Variants in SRBD1 observed in about 807,000 individuals in gnomAD.
SRBD1 encodes the protein S1 RNA binding domain 1.
SRBD1 carries 88 observed loss-of-function variants against 115.3 expected under a neutral mutation model. That is an observed-to-expected ratio of 0.76 (90% CI 0.64 to 0.91). SRBD1 has a LOEUF of 0.91. Among genes scored for constraint, SRBD1 ranks in the 40% least tolerant of loss-of-function variants. The pLI is 0.00. For missense variants in SRBD1, 1,385 were observed against 1,177.4 expected, an observed-to-expected ratio of 1.18 and a Z score of -2.58; for synonymous variants, 509 against 407.7, an observed-to-expected ratio of 1.25 and a Z score of -2.99.
intron 14 of SRBD1, among the ~76,000 whole-genome samples, chr2:45,537,132 A>G (rs1013295188): frequency 5.3e-5 from 8 of 152,240 alleles, no homozygotes; most frequent in African/African-American, 1.9e-4. Flanking sequence ...ACATAGGCTC[A>G]TACGACACAG....
At chr2:45,426,775 A>G (rs1668167662) in intron 16 of SRBD1, among the ~76,000 whole-genome samples, 1 of 152,198 alleles carries the variant, frequency 6.6e-6, no homozygotes, top group African/African-American at 2.4e-5. Flanking sequence ...TAGAAGGAAA[A>G]CTAACAAACA....
intron 16 of SRBD1, among the ~76,000 whole-genome samples, chr2:45,442,493 G>C (rs1403666795): frequency 2.0e-5 from 3 of 152,182 alleles, no homozygotes; most frequent in African/African-American, 7.2e-5. Flanking sequence ...GTGGACAACG[G>C]CTAGGTCACA....
intron 15 of SRBD1, among the ~76,000 whole-genome samples, chr2:45,485,838 A>G (rs1464429699): frequency 1.3e-5 from 2 of 152,188 alleles, no homozygotes; most frequent in African/African-American, 2.4e-5. Flanking sequence ...AAGACTCCCA[A>G]TGAGAAATAG....
At chr2:45,395,339 A>C (rs542413468) in intron 19 of SRBD1, among the ~76,000 whole-genome samples, 3 of 152,206 alleles carry the variant, frequency 2.0e-5, no homozygotes, top group African/African-American at 7.2e-5. Context: ...GTATGAGTCT[A>C]TCTTAAGGTT....
At position 45,418,795 on chromosome 2, in the gene SRBD1, C is replaced by T. The variant is rs1482725756; in HGVS notation, c.2157-254G>A. ...TGTCATAAAGATGCTGGTAAGAAGG[C>T]TAACACTGATGCAAGAAAAAAATGT... On this transcript the variant is annotated intron_variant, in intron 17 of 20. Transcript: ENST00000263736. Among the ~76,000 whole-genome samples, 5 of 151,982 alleles carry T rather than the reference C, an allele frequency of 3.3e-5. No individual in the cohort carries two copies. The East Asian group carries it at 9.6e-4, about 29-fold the overall frequency.
intron 14 of SRBD1, among the ~76,000 whole-genome samples, chr2:45,543,148 AC>A (rs1299313525): frequency 3.3e-5 from 5 of 152,236 alleles, no homozygotes; most frequent in African/African-American, 4.8e-5. Context: ...GAACATTTCA[AC>A]TTCAACTATC....
chr2:45,527,703 T>A (rs560256906), intron 14 of SRBD1, among the ~76,000 whole-genome samples: 1 of 151,976 alleles, frequency 6.6e-6, no homozygotes, highest in South Asian at 2.1e-4. Context: ...ACTATTATTA[T>A]CCCCACTTCA....
At chr2:45,595,539 G>C (rs1673868175) in intron 4 of SRBD1, among the ~76,000 whole-genome samples, 1 of 152,146 alleles carries the variant, frequency 6.6e-6, no homozygotes, top group African/African-American at 2.4e-5. Context: ...GGACTTTTCT[G>C]ATTTTCTGGC....
At chr2:45,513,421 G>GAAAA (rs10658092) in intron 14 of SRBD1, among the ~76,000 whole-genome samples, 2 of 145,278 alleles carry the variant, frequency 1.4e-5, no homozygotes, top group Non-Finnish European at 1.5e-5. Flanking sequence ...GCCCCTTAAG[G>GAAAA]AAAAAAAAAA....
chr2:45,446,965 T>C (rs1226854126), intron 16 of SRBD1, among the ~76,000 whole-genome samples: 1 of 152,222 alleles, frequency 6.6e-6, no homozygotes, highest in Non-Finnish European at 1.5e-5. Flanking sequence ...TTACTTCCTA[T>C]ACACCTCCAA....
chr2:45,595,842 C>T (rs1341241356), intron 4 of SRBD1, among the ~76,000 whole-genome samples: 3 of 152,094 alleles, frequency 2.0e-5, no homozygotes, highest in Admixed American at 6.5e-5. Flanking sequence ...AGGCAATTTC[C>T]CTAAACCCAC....
At position 45,596,219 on chromosome 2, in the gene SRBD1, T is replaced by C. The variant is rs781224517; in HGVS notation, c.648+3230A>G. Reference sequence around the variant, plus strand: ...CTTTACTTTTCCTTTGTCACTCACCTTCTGGCAGCTGGGCACCTATCGCTC... The same window carrying C: ...CTTTACTTTTCCTTTGTCACTCACCCTCTGGCAGCTGGGCACCTATCGCTC... On this transcript the variant is annotated intron_variant, in intron 4 of 20. Transcript: ENST00000263736. 6.6e-5 allele frequency among the ~76,000 whole-genome samples: 10 copies of C among 152,366 alleles called. No individual in the cohort carries two copies. In the South Asian group the frequency reaches 1.2e-3, roughly 19 times the overall value.
At chr2:45,462,803 G>C (rs1669359169) in intron 16 of SRBD1, among the ~76,000 whole-genome samples, 1 of 152,022 alleles carries the variant, frequency 6.6e-6, no homozygotes, top group South Asian at 2.1e-4. Context: ...TCCAGCCTGG[G>C]CAACAGAGCG....
In SRBD1 at chr2:45,414,787, T is replaced by TGTGTATATAGTATGTACACACACAC. The variant is rs1558563518; in HGVS notation, c.2334-1495_2334-1494insGTGTGTGTGTACATACTATATACAC. ...TGTATATAGTATGTACACACACACA[T>TGTGTATATAGTATGTACACACACAC]AGTGTGTATATAGTATGTACACACA... On this transcript the variant is annotated intron_variant, in intron 18 of 20. Coordinates refer to ENST00000263736, the MANE Select transcript of SRBD1 (RefSeq NM_018079.5). Among the ~76,000 whole-genome samples, 46 of 63,986 alleles carry TGTGTATATAGTATGTACACACACAC rather than the reference T, an allele frequency of 7.2e-4. 5 individuals are homozygous for TGTGTATATAGTATGTACACACACAC. The highest frequency in any genetic ancestry group is 2.1e-3 in the African/African-American group (41 of 19,450). 42.0% of individuals were successfully genotyped at this position (63,986 alleles called of 152,430 possible).
intron 9 of SRBD1, among the ~76,000 whole-genome samples, chr2:45,572,468 A>T (rs917444875): frequency 3.3e-5 from 5 of 152,072 alleles, no homozygotes; most frequent in Non-Finnish European, 7.4e-5. Flanking sequence ...TTAAACATAA[A>T]TTTTTTAAAA....
intron 14 of SRBD1, among the ~76,000 whole-genome samples, chr2:45,499,975 T>TG (rs1468202893): frequency 2.0e-5 from 3 of 152,132 alleles, no homozygotes; most frequent in African/African-American, 7.2e-5. Flanking sequence ...ATTAGCTATT[T>TG]GGGGTCTTTT....
At chr2:45,503,863 A>T (rs1670715213) in intron 14 of SRBD1, among the ~76,000 whole-genome samples, 1 of 152,186 alleles carries the variant, frequency 6.6e-6, no homozygotes, top group South Asian at 2.1e-4. Context: ...TCTATAACCT[A>T]AGACATATAT....
intron 14 of SRBD1, among the ~76,000 whole-genome samples, chr2:45,492,346 C>A (rs1165100158): frequency 1.3e-5 from 2 of 152,040 alleles, no homozygotes; most frequent in East Asian, 3.9e-4. Context: ...TTCATTCTGA[C>A]CATAAGGAAT....
intron 16 of SRBD1, among the ~76,000 whole-genome samples, chr2:45,442,741 T>G (rs960119251): frequency 1.3e-5 from 2 of 152,222 alleles, no homozygotes; most frequent in Non-Finnish European, 2.9e-5. Context: ...TTATTTTAAG[T>G]AAGTTTGGGT....
Sources: gnomAD v4.1 joint callset for allele counts (sites outside exome capture counted in the v4.1 genomes callset) on GRCh38, gnomAD v4.1.1 for gene constraint, MANE v1.5 for transcripts, NCBI Gene and HGNC (gene_info 2026-07-23, HGNC 2026-07-21) for gene names.